Variants in VWF observed in about 807,000 individuals in gnomAD.
The protein encoded by VWF is von Willebrand factor, also known as Factor VIII related antigen.
A neutral mutation model predicts 308.6 loss-of-function variants in VWF; 176 were observed. The ratio of observed to expected loss-of-function variants is 0.57; its 90% CI spans 0.50 to 0.65. The LOEUF is 0.65. Ranked by LOEUF, VWF falls within the 30% of genes least tolerant of loss-of-function variation. The pLI is 0.00. For missense variants in VWF, 3,146 were observed against 3,648.2 expected, an observed-to-expected ratio of 0.86 and a Z score of 3.55; for synonymous variants, 1,385 against 1,443.4, an observed-to-expected ratio of 0.96 and a Z score of 0.92.
intron 34 of VWF, among the ~76,000 whole-genome samples, chr12:6,010,911 T>A (rs528277052): frequency 6.6e-6 from 1 of 152,318 alleles, no homozygotes; most frequent in South Asian, 2.1e-4. Flanking sequence ...GAATTCTTTA[T>A]GAATAAACAG....
Position 6,121,163 on chromosome 12 carries a change from C to T in VWF, c.220+11G>A, listed in dbSNP as rs772788834. The T allele has an allele frequency of 2.5e-6, 4 of 1,614,128 alleles. No homozygotes were observed. Among genetic ancestry groups the T allele is most frequent in the Middle Eastern group, 1.7e-4 (1 of 6,060 alleles). On this transcript the variant is annotated intron_variant, in intron 3 of 51. Coordinates refer to ENST00000261405, the MANE Select transcript of VWF (RefSeq NM_000552.5). ...CCCTCTGAAGTCCTCCCTGCAGTGC[C>T]CAGAACTCACCAATAATCGAGAAGG...
chr12:5,990,868 TAAAAAAAAAAAAAAAAAAAA>T (rs755717764), intron 38 of VWF, among the ~76,000 whole-genome samples: 15 of 31,458 alleles, frequency 4.8e-4, no homozygotes, highest in Admixed American at 1.0e-3. Context: ...CCCATAGAGC[TAAAAAAAAAAAAAAAAAAAA>T]AAAAAAAAAA....
Position 5,962,215 on chromosome 12 carries a change from A to G in VWF, c.7887+5271T>C, listed in dbSNP as rs527331678. On this transcript the variant is annotated intron_variant, in intron 47 of 51. Coordinates refer to ENST00000261405, the MANE Select transcript of VWF (RefSeq NM_000552.5). ...AAGACCTAAATAATCGAAGAGATATACTATGTTCATAAATTGAAAAACTCA... is the reference window on the plus strand; with the variant it reads ...AAGACCTAAATAATCGAAGAGATATGCTATGTTCATAAATTGAAAAACTCA... Among the ~76,000 whole-genome samples, 7 of 152,324 alleles carry G rather than the reference A, an allele frequency of 4.6e-5. No homozygotes were observed. The East Asian group carries it at 9.6e-4, about 21-fold the overall frequency.
intron 8 of VWF, among the ~76,000 whole-genome samples, chr12:6,072,803 G>T (rs1436307107): frequency 1.3e-5 from 2 of 151,934 alleles, no homozygotes; most frequent in Non-Finnish European, 1.5e-5. Flanking sequence ...AGGGAGTCAA[G>T]AGTTTTGTTC....
Position 6,052,547 on chromosome 12 carries a change from T to C in VWF, c.2182A>G (p.Met728Val), listed in dbSNP as rs1944527524. ...PEDIFSDHHT[M>V]CYCEDGFMHC... ...GACACTGCTGCCTGCACTTACCACA[T>C]GGTGTGATGGTCTGAGAAGATGTCT... Residue 728 changes from methionine (M) to valine (V), a missense_variant, in exon 16 of 52, where the codon ATG (methionine) becomes GTG (valine). Transcript: ENST00000261405. 4 of 1,614,204 alleles carry C rather than the reference T, an allele frequency of 2.5e-6. No homozygotes were observed. In the East Asian group the frequency reaches 6.7e-5, roughly 27 times the overall value.
Position 6,063,512 on chromosome 12 carries a change from T to C in VWF, c.1433-458A>G, listed in dbSNP as rs914651819. ...GCTTCTGTGGGAAGGTGGCGACAGA[T>C]AGGAGCACACCCCTTGCCCTGGGGG... On this transcript the variant is annotated intron_variant, in intron 12 of 51. Transcript: ENST00000261405. This position sits in a 1 kb window ranked among gnomAD's most constrained non-coding sequence, Gnocchi z 4.9. 6.6e-6 allele frequency among the ~76,000 whole-genome samples: 1 copy of C among 152,104 alleles called. No homozygotes were observed. Among genetic ancestry groups the C allele is most frequent in the Non-Finnish European group, 1.5e-5 (1 of 68,026 alleles).
Position 5,992,035 on chromosome 12 carries a change from A to G in VWF, c.6599-17T>C. 6.2e-7 allele frequency: 1 copy of G among 1,613,272 alleles called. No homozygotes were observed. ...ATGACATAGCTGTAGACAGAGAAGG[A>G]GGTCACTTGCAAAGGCCCACACCAG... On this transcript the variant is annotated splice_polypyrimidine_tract_variant and intron_variant, in intron 37 of 51. Coordinates refer to ENST00000261405, the MANE Select transcript of VWF (RefSeq NM_000552.5).
Position 6,075,129 on chromosome 12 carries a change from G to A in VWF, c.874+206C>T, listed in dbSNP as rs944408824. Among the ~76,000 whole-genome samples, 3 of 152,044 alleles carry A rather than the reference G, an allele frequency of 2.0e-5. 1 individual carries two copies. The highest frequency in any genetic ancestry group is 7.2e-5 in the African/African-American group (3 of 41,402). ...TGGGGGCGGGACGGAGGCAGGGGCAGGACACGGGGCTTTGGGAAGCCCGTT... is the reference window on the plus strand; with the variant it reads ...TGGGGGCGGGACGGAGGCAGGGGCAAGACACGGGGCTTTGGGAAGCCCGTT... On this transcript the variant is annotated intron_variant, in intron 7 of 51. Transcript: ENST00000261405. This position sits in a 1 kb window ranked among gnomAD's most constrained non-coding sequence, Gnocchi z 4.7.
chr12:5,979,867 G>A (rs1285381514), intron 42 of VWF, among the ~76,000 whole-genome samples: 3 of 149,852 alleles, frequency 2.0e-5, no homozygotes, highest in Middle Eastern at 3.2e-3. Context: ...CAGTGAAACC[G>A]TGTCTCTACT....
chr12:6,115,176 A>G (rs1945349055), intron 3 of VWF, among the ~76,000 whole-genome samples: 1 of 152,202 alleles, frequency 6.6e-6, no homozygotes, highest in African/African-American at 2.4e-5. Context: ...AGCTGGAACT[A>G]CAGGTGTGTG....
intron 20 of VWF, among the ~76,000 whole-genome samples, chr12:6,032,972 TCA>T (rs1346491329): frequency 1.3e-5 from 2 of 148,660 alleles, no homozygotes; most frequent in South Asian, 2.1e-4. Flanking sequence ...TCATACACAG[TCA>T]CACACACGCA....
rs949602803 is a variant in VWF, at chr12:6,064,132, A to G, written c.1432+114T>C. The G allele has an allele frequency of 6.9e-5, 107 of 1,551,068 alleles. 3 individuals are homozygous for G. In the South Asian group the frequency reaches 7.7e-4, roughly 11 times the overall value. On this transcript the variant is annotated intron_variant, in intron 12 of 51. Transcript: ENST00000261405. ...CCCTCCAAAAATAACTCTCCATCAC[A>G]TTCCCATGGAAGAGGCATGCAGGTC...
chr12:5,993,947 C>T lies in VWF; in HGVS notation c.6513G>A (p.Glu2171=), dbSNP rs572231700. 2 of 1,614,148 alleles carry T rather than the reference C, an allele frequency of 1.2e-6. No homozygotes were observed. Among genetic ancestry groups the T allele is most frequent in the Admixed American group, 3.3e-5 (2 of 60,010 alleles). ...AICQQDSCHQ[E]QVCEVIASYA... is the part of the protein sequence containing the mutation. ...AAGAGGCGATCACCTCACACACTTGCTCCTGGTGGCAACTGTCCTGCTGGC... is the reference window on the plus strand; with the variant it reads ...AAGAGGCGATCACCTCACACACTTGTTCCTGGTGGCAACTGTCCTGCTGGC... Residue 2171 remains glutamate (E), a synonymous_variant, in exon 37 of 52, where the codon GAG becomes GAA. Transcript: ENST00000261405.
chr12:6,029,209 A>G, intron 22 of VWF, 133 bp downstream of exon 22: 2 of 1,149,648 alleles, frequency 1.7e-6, no homozygotes, highest in Non-Finnish European at 2.6e-6. Context: ...AGAGCTAACT[A>G]TCCTAAATAT....
intron 18 of VWF, among the ~76,000 whole-genome samples, chr12:6,038,822 C>CA (rs1944366604): frequency 6.6e-6 from 1 of 152,150 alleles, no homozygotes; most frequent in African/African-American, 2.4e-5. Flanking sequence ...GGAGAGGAGA[C>CA]AAAACATAAT....
At chr12:6,038,057 G>A (rs554992847) in intron 18 of VWF, among the ~76,000 whole-genome samples, 2 of 152,108 alleles carry the variant, frequency 1.3e-5, no homozygotes, top group Non-Finnish European at 2.9e-5. Context: ...CCCACTCTTG[G>A]TAGCTCTTAC....
Position 6,103,557 on chromosome 12 carries a change from C to T in VWF, c.532+6817G>A, listed in dbSNP as rs1053125070. Among the ~76,000 whole-genome samples the T allele has an allele frequency of 3.2e-4, 35 of 110,670 alleles. 1 individual carries two copies. The highest frequency in any genetic ancestry group is 1.8e-3 in the African/African-American group (19 of 10,464). 72.6% of individuals were successfully genotyped at this position (110,670 alleles called of 152,430 possible). The stretch of plus-strand genomic sequence containing the variant: ...ACACATATATGTATACACACACACA[C>T]ACACACACACACACACACACACACA... On this transcript the variant is annotated intron_variant, in intron 5 of 51. Transcript: ENST00000261405.
intron 28 of VWF, among the ~76,000 whole-genome samples, chr12:6,017,540 G>A (rs940497105): frequency 3.3e-5 from 5 of 152,212 alleles, no homozygotes; most frequent in Non-Finnish European, 7.3e-5. Flanking sequence ...CAAACACACC[G>A]AATAAAGATG....
chr12:6,089,753 A>G (rs1239993207), intron 6 of VWF, among the ~76,000 whole-genome samples: 1 of 152,132 alleles, frequency 6.6e-6, no homozygotes, highest in Non-Finnish European at 1.5e-5. Flanking sequence ...AAATGAGACC[A>G]AAAATAATAA....
Sources: gnomAD v4.1 joint callset for allele counts (sites outside exome capture counted in the v4.1 genomes callset) on GRCh38, gnomAD v4.1.1 for gene constraint, Gnocchi (gnomAD v3.1) non-coding constraint, MANE v1.5 for transcripts, NCBI Gene and HGNC (gene_info 2026-07-23, HGNC 2026-07-21) for gene names.